Variants in POTEE observed in about 807,000 individuals in gnomAD.
POTEE encodes the protein ANKRD26-like family C member 1A.
Under a neutral mutation model 74.2 loss-of-function variants are expected in POTEE, and 21 were observed. The observed-to-expected ratio is 0.28, with a 90% CI of 0.20 to 0.41. POTEE has a LOEUF of 0.41. Ranked by LOEUF, POTEE falls within the 10% of genes least tolerant of loss-of-function variation. The pLI is 1.00. For synonymous variants in POTEE, 211 were observed against 432.8 expected, an observed-to-expected ratio of 0.49 and a Z score of 6.36; for missense variants, 525 against 1,158.6, an observed-to-expected ratio of 0.45 and a Z score of 7.94.
intron 8 of POTEE, among the ~76,000 whole-genome samples, chr2:131,230,230 TAA>T (rs1271888412): frequency 6.6e-6 from 1 of 152,166 alleles, no homozygotes; most frequent in Non-Finnish European, 1.5e-5. Context: ...TTATAAGCCA[TAA>T]AGAGTAGGAC....
chr2:131,211,150 T>C lies in POTEE; in HGVS notation c.-222T>C, dbSNP rs904221872. On this transcript the variant is annotated 5_prime_UTR_variant, in exon 2 of 18. The change abolishes an upstream ATG in the 5' untranslated region. Transcript: ENST00000683005. ...TCTGCAGCTCGCCTCGTGTGACTGA[T>C]GGCAGCCACGGAGACTGCAGCTCGA... is the stretch of plus-strand genomic sequence containing the variant. Among the ~76,000 whole-genome samples the C allele has an allele frequency of 6.6e-6, 1 of 151,946 alleles. No individual in the cohort carries two copies. Among genetic ancestry groups the C allele is most frequent in the South Asian group, 2.1e-4 (1 of 4,812 alleles).
rs543517613 is a variant in POTEE, at chr2:131,212,762, C to A, written c.-189+1579C>A. On this transcript the variant is annotated intron_variant, in intron 2 of 17. Coordinates refer to ENST00000683005, the MANE Select transcript of POTEE (RefSeq NM_001083538.3). ...TGTTTTTAATAGAGATGGGTTTTCT[C>A]TATGTTGGTCAGGCTGGTCTTGAAC... is the stretch of plus-strand genomic sequence containing the variant. 5.0e-3 allele frequency among the ~76,000 whole-genome samples: 748 copies of A among 149,998 alleles called. 2 individuals carry two copies. The highest frequency in any genetic ancestry group is 0.022 in the South Asian group (106 of 4,748).
At chr2:131,215,956 TC>T (rs1263726728) in intron 2 of POTEE, among the ~76,000 whole-genome samples, 1 of 150,526 alleles carries the variant, frequency 6.6e-6, no homozygotes, top group East Asian at 1.9e-4. Context: ...TGTTTTAGAC[TC>T]CACAAAAAAC....
chr2:131,231,891 A>T (rs58078337), intron 9 of POTEE, among the ~76,000 whole-genome samples: 76,364 of 151,896 alleles, frequency 0.5, 22,821 homozygotes, highest in East Asian at 0.69. Context: ...CCATCTATTT[A>T]TCAAAGAGCT....
intron 9 of POTEE, among the ~76,000 whole-genome samples, chr2:131,235,999 G>A (rs1475513773): frequency 2.0e-5 from 3 of 152,068 alleles, no homozygotes; most frequent in Non-Finnish European, 2.9e-5. Context: ...ATTTAGGTTC[G>A]CAACAGCTCA....
chr2:131,226,623 C>A (rs1423661522), intron 6 of POTEE, among the ~76,000 whole-genome samples, 200 bp from the exon 7 acceptor site: 2 of 150,444 alleles, frequency 1.3e-5, no homozygotes, highest in Non-Finnish European at 2.9e-5. Flanking sequence ...ATTAGAGTTA[C>A]TGTGGTGAGG....
intron 2 of POTEE, among the ~76,000 whole-genome samples, chr2:131,214,559 A>G (rs565451943): frequency 6.5e-4 from 99 of 152,314 alleles, no homozygotes; most frequent in African/African-American, 2.2e-3. Context: ...TGTGTATGTG[A>G]TGTATATATA....
Position 131,218,475 on chromosome 2 carries a change from G to A in POTEE, c.73G>A (p.Gly25Ser), listed in dbSNP as rs781648859. ...GCCATTTGGTCTCAGGAGCAAGATG[G>A]GCAAGTGGTGCTGCCGTTGCTTCCC... is the stretch of plus-strand genomic sequence containing the variant. The part of the protein sequence containing the change: ...KKPFGLRSKM[G>S]KWCCRCFPCY... Residue 25 changes from glycine (G) to serine (S), a missense_variant, in exon 4 of 18, where the codon GGC becomes AGC. Coordinates refer to ENST00000683005, the MANE Select transcript of POTEE (RefSeq NM_001083538.3). 6.2e-7 allele frequency: 1 copy of A among 1,613,132 alleles called. No individual in the cohort carries two copies. The highest frequency in any genetic ancestry group is 1.1e-5 in the South Asian group (1 of 91,048).
chr2:131,212,990 C>T lies in POTEE; in HGVS notation c.-189+1807C>T, dbSNP rs1435694013. 8.7e-5 allele frequency among the ~76,000 whole-genome samples: 13 copies of T among 148,924 alleles called. No individual in the cohort carries two copies. The East Asian group carries it at 1.6e-3, about 18-fold the overall frequency. The stretch of plus-strand genomic sequence containing the variant: ...TTTTTTTTTTTTTGAGATGAAGTCT[C>T]GCTCTTGTCCCCCAGGCTGTAGTAC... On this transcript the variant is annotated intron_variant, in intron 2 of 17. Coordinates refer to ENST00000683005, the MANE Select transcript of POTEE (RefSeq NM_001083538.3).
At chr2:131,235,211 C>T (rs1187407926) in intron 9 of POTEE, among the ~76,000 whole-genome samples, 5 of 149,288 alleles carry the variant, frequency 3.3e-5, no homozygotes, top group Non-Finnish European at 4.4e-5. Flanking sequence ...AAAAGCCATC[C>T]CTGACATGCT....
rs529897838 is a variant in POTEE at position 131,209,570 on chromosome 2, G to C, written c.-594G>C. On this transcript the variant is annotated 5_prime_UTR_variant, in exon 1 of 18. Coordinates refer to ENST00000683005, the MANE Select transcript of POTEE (RefSeq NM_001083538.3). ...TCTTAAGTGTGGGCGTTTGGTAACC[G>C]GCATGGCTGCTACCTGTTTCTGGCT... 3.9e-5 allele frequency among the ~76,000 whole-genome samples: 6 copies of C among 152,326 alleles called. No homozygotes were observed. The highest frequency in any genetic ancestry group is 1.3e-4 in the Admixed American group (2 of 15,308).
intron 10 of POTEE, 108 bp from the exon 11 acceptor site, chr2:131,238,086 C>G (rs1701199202): frequency 9.2e-7 from 1 of 1,086,836 alleles, no homozygotes; most frequent in South Asian, 1.6e-5. Flanking sequence ...TTTTCATTGT[C>G]CATACTTGAT....
At chr2:131,233,906 A>G (rs1011235780) in intron 9 of POTEE, among the ~76,000 whole-genome samples, 3 of 150,500 alleles carry the variant, frequency 2.0e-5, no homozygotes, top group Non-Finnish European at 4.4e-5. Flanking sequence ...TCTGGTGAAT[A>G]CAGAAGAGCA....
At chr2:131,262,679 C>T (rs1184171217) in intron 17 of POTEE, among the ~76,000 whole-genome samples, 2 of 151,484 alleles carry the variant, frequency 1.3e-5, no homozygotes, top group Non-Finnish European at 1.5e-5. Context: ...TTTGACCTCT[C>T]CTTTTAAGAA....
intron 9 of POTEE, among the ~76,000 whole-genome samples, chr2:131,235,245 T>A (rs1463065518): frequency 6.6e-6 from 1 of 151,380 alleles, no homozygotes; most frequent in African/African-American, 2.4e-5. Context: ...TTTTAAACCC[T>A]AATGCCTAGC....
At chr2:131,229,654 A>G (rs1700887584) in intron 8 of POTEE, 1 of 152,180 alleles carries the variant, frequency 6.6e-6, no homozygotes, top group African/African-American at 2.4e-5. Flanking sequence ...AATACGGGGA[A>G]AGTTAGCATG....
At chr2:131,212,934 A>G (rs1292452993) in intron 2 of POTEE, among the ~76,000 whole-genome samples, 1 of 150,206 alleles carries the variant, frequency 6.7e-6, no homozygotes, top group Non-Finnish European at 1.5e-5. Context: ...TCTTTGCAAG[A>G]GAAAAAGGAA....
rs757808401 is a variant in POTEE at position 131,230,869 on chromosome 2, A to AG, written c.1089_1090insG (p.Gln364AlafsTer8). 6.8e-7 allele frequency: 1 copy of AG among 1,462,772 alleles called. No individual in the cohort carries two copies. Among genetic ancestry groups the AG allele is most frequent in the African/African-American group, 1.4e-5 (1 of 69,774 alleles). 90.6% of individuals were successfully genotyped at this position (1,462,772 alleles called of 1,614,324 possible). A position where few individuals can be genotyped will look rare whatever the true frequency, so the allele number is the denominator to read the frequency against. ...AGTTACTTTCTGACTACAAAGAAAA[A>AG]CAGATGCTAAAAATCTCTTCTGAAA... On this transcript the variant is annotated frameshift_variant, in exon 9 of 18. Coordinates refer to ENST00000683005, the MANE Select transcript of POTEE (RefSeq NM_001083538.3). LOFTEE classifies it high-confidence loss of function.
intron 9 of POTEE, among the ~76,000 whole-genome samples, chr2:131,235,461 A>C (rs1056758738): frequency 1.3e-5 from 2 of 152,004 alleles, no homozygotes; most frequent in African/African-American, 4.8e-5. Context: ...GGGGAAAGAC[A>C]TGCAGAATCA....
Sources: allele counts gnomAD v4.1 joint callset (sites outside exome capture counted in the v4.1 genomes callset), GRCh38; gene constraint gnomAD v4.1.1; transcripts MANE v1.5; gene names NCBI Gene and HGNC (gene_info 2026-07-23, HGNC 2026-07-21).